The following APC2 variants were observed in gnomAD, a reference collection of about 807,000 sequenced individuals.
APC2 encodes APC regulator of Wnt signaling pathway 2.
APC2 carries 41 observed loss-of-function variants against 72.5 expected under a neutral mutation model. That is an observed-to-expected ratio of 0.57 (90% CI 0.44 to 0.73). The LOEUF (loss-of-function observed/expected upper bound fraction) is 0.73, where lower values mean the gene tolerates loss of function less well. Among genes scored for constraint, APC2 ranks in the 30% least tolerant of loss-of-function variants. The pLI, the probability that APC2 is intolerant of heterozygous loss-of-function variation, is 0.00. For missense variants in APC2, 3,729 were observed against 3,403.4 expected (o/e 1.10, Z -2.38); for synonymous variants, 1,898 against 1,612.0 (o/e 1.18, Z -4.25).
Position 1,467,054 on chromosome 19 carries a change from G to A in APC2, c.3753G>A (p.Arg1251=). ...TCGCCGACTGCCGGGAGCGCTGCCGGCTGCCATCTGAGCTGGACGCAGGCA... is the reference window on the plus strand; with the variant it reads ...TCGCCGACTGCCGGGAGCGCTGCCGACTGCCATCTGAGCTGGACGCAGGCA... The part of the protein sequence containing the change: ...LDIADCRERC[R]LPSELDAGSV... Residue 1251 remains arginine (R), a synonymous_variant, in exon 15 of 15, where the codon CGG becomes CGA. Coordinates refer to ENST00000590469, the MANE Select transcript of APC2 (RefSeq NM_005883.3). The A allele has an allele frequency of 1.2e-6, 2 of 1,611,828 alleles. No homozygotes were observed. Among genetic ancestry groups the A allele is most frequent in the Non-Finnish European group, 1.7e-6 (2 of 1,179,678 alleles).
At chr19:1,464,877 C>T (rs529726447) in intron 14 of APC2, among the ~76,000 whole-genome samples, 1 of 151,548 alleles carries the variant, frequency 6.6e-6, no homozygotes, top group South Asian at 2.1e-4. Flanking sequence ...AGGGGATCCA[C>T]CCCACTTGGC....
At chr19:1,460,509 C>T (rs372659860) in intron 11 of APC2, among the ~76,000 whole-genome samples, 189 bp downstream of exon 11, 3 of 152,256 alleles carry the variant, frequency 2.0e-5, no homozygotes, top group Admixed American at 1.3e-4. Context: ...TGAACCTCCC[C>T]ACCTGGCGGT....
intron 14 of APC2, among the ~76,000 whole-genome samples, chr19:1,463,909 TCA>T (rs1222344166): frequency 6.6e-6 from 1 of 152,210 alleles, no homozygotes; most frequent in Non-Finnish European, 1.5e-5. Flanking sequence ...GCGCGGTGGC[TCA>T]CGCCTGTAAT....
rs1291525373 is a variant in APC2 at position 1,454,594 on chromosome 19, C to A, written c.414-555C>A. Among the ~76,000 whole-genome samples, 3 of 134,142 alleles carry A rather than the reference C, an allele frequency of 2.2e-5. No homozygotes were observed. In the Admixed American group the frequency reaches 2.3e-4, roughly 10 times the overall value. 88.0% of individuals were successfully genotyped at this position (134,142 alleles called of 152,430 possible). On this transcript the variant is annotated intron_variant, in intron 4 of 14. Coordinates refer to ENST00000590469, the MANE Select transcript of APC2 (RefSeq NM_005883.3). The stretch of plus-strand genomic sequence containing the variant: ...TTTTTTTTTTTTTGAGACGGAGTCT[C>A]GCTCTGTCGCCCAAGCTGGAGTGCA...
chr19:1,469,895 C>T lies in APC2; in HGVS notation c.6594C>T (p.Ala2198=), dbSNP rs1198127765. The change falls in exon 15 of 15, where the codon GCC becomes GCT. Residue 2198 remains alanine, a synonymous_variant. Transcript: ENST00000590469. ...DAVVQTEEVA[A]PKTNSSTSPS... is the part of the protein sequence containing the mutation. ...TGGTCCAGACCGAGGAGGTCGCCGCCCCCAAGACCAACTCCAGCACGTCCC... is the reference window on the plus strand; with the variant it reads ...TGGTCCAGACCGAGGAGGTCGCCGCTCCCAAGACCAACTCCAGCACGTCCC... The T allele has an allele frequency of 1.3e-6, 2 of 1,524,020 alleles. No individual in the cohort carries two copies. Among genetic ancestry groups the T allele is most frequent in the Admixed American group, 2.0e-5 (1 of 49,688 alleles). The allele number at this position is 1,524,020 out of a possible 1,614,324, so 94.4% of individuals were successfully genotyped here. A position where few individuals can be genotyped will look rare whatever the true frequency, so the allele number is the denominator to read the frequency against.
chr19:1,466,351 C>A lies in APC2; in HGVS notation c.3050C>A (p.Ala1017Glu). The A allele has an allele frequency of 6.4e-7, 1 of 1,562,006 alleles. No homozygotes were observed. Among genetic ancestry groups the A allele is most frequent in the Non-Finnish European group, 8.6e-7 (1 of 1,157,052 alleles). ...GASRAGAEPL[A>E]GPGISPGARK... ...TCAAGGGCGGGTGCAGAGCCCCTCG[C>A]GGGGCCTGGAATCTCTCCAGGGGCC... The change falls in exon 15 of 15, where the codon GCG becomes GAG. Residue 1017 changes from alanine to glutamate, a missense_variant. Coordinates refer to ENST00000590469, the MANE Select transcript of APC2 (RefSeq NM_005883.3).
Position 1,467,552 on chromosome 19 carries a change from C to G in APC2, c.4251C>G (p.Asp1417Glu). Residue 1417 changes from aspartate to glutamate, a missense_variant, in exon 15 of 15, where the codon GAC becomes GAG. Coordinates refer to ENST00000590469, the MANE Select transcript of APC2 (RefSeq NM_005883.3). ...SDETLQGPPR[D>E]QPGGPAGRQR... is the part of the protein sequence containing the mutation. ...AGACGCTGCAGGGACCCCCCAGGGA[C>G]CAGCCCGGGGGACCAGCGGGCAGGC... 6.6e-7 allele frequency: 1 copy of G among 1,508,484 alleles called. No homozygotes were observed. The highest frequency in any genetic ancestry group is 8.8e-7 in the Non-Finnish European group (1 of 1,134,722). The allele number at this position is 1,508,484 out of a possible 1,614,324, so 93.4% of individuals were successfully genotyped here.
In APC2 at chr19:1,461,093, G is replaced by A. The variant is rs762408781; in HGVS notation, c.1578G>A (p.Lys526=). The change falls in exon 13 of 15, where the codon AAG becomes AAA. Residue 526 remains lysine (K), a synonymous_variant. Coordinates refer to ENST00000590469, the MANE Select transcript of APC2 (RefSeq NM_005883.3). ...GGAGGGCCGACATCAACAGCAAGAA[G>A]GTGCTGAGGGAGGCGGGCAGCGTGA... The part of the protein sequence containing the change: ...LSWRADINSK[K]VLREAGSVTA... 2 of 1,613,688 alleles carry A rather than the reference G, an allele frequency of 1.2e-6. No homozygotes were observed. Among genetic ancestry groups the A allele is most frequent in the African/African-American group, 2.7e-5 (2 of 75,068 alleles).
Position 1,465,672 on chromosome 19 carries a change from G to A in APC2, c.2371G>A (p.Ala791Thr), listed in dbSNP as rs759810870. The change falls in exon 15 of 15, where the codon GCG (alanine) becomes ACG (threonine). Residue 791 changes from alanine to threonine, a missense_variant. Ala to Thr is a moderately conservative substitution (Grantham distance 58). Coordinates refer to ENST00000590469, the MANE Select transcript of APC2 (RefSeq NM_005883.3). Reference protein sequence around the residue: ...DDAPSSLAAAAATGEPASPAA... With the variant: ...DDAPSSLAAATATGEPASPAA... ...TGCACCGTCATCCCTGGCTGCGGCC[G>A]CGGCCACCGGGGAGCCAGCCAGCCC... is the stretch of plus-strand genomic sequence containing the variant. The A allele has an allele frequency of 4.4e-5, 71 of 1,596,528 alleles. No individual in the cohort carries two copies. Among genetic ancestry groups the A allele is most frequent in the South Asian group, 9.0e-5 (8 of 88,992 alleles).
intron 1 of APC2, chr19:1,451,504 G>C (rs1488913319): frequency 1.3e-5 from 2 of 152,262 alleles, no homozygotes. Flanking sequence ...GCCAGCCTCT[G>C]CCACCTGACT....
intron 3 of APC2, 31 bp downstream of exon 3, chr19:1,453,368 G>T (rs371790688): frequency 1.7e-5 from 27 of 1,611,324 alleles, no homozygotes; most frequent in Admixed American, 3.3e-5. Flanking sequence ...CAGAGGGAGT[G>T]GGGGAGGCTG....
Position 1,466,243 on chromosome 19 carries a change from G to A in APC2, c.2942G>A (p.Arg981His), listed in dbSNP as rs1274566903. The change falls in exon 15 of 15, where the codon CGC becomes CAC. Residue 981 changes from arginine (R) to histidine (H), a missense_variant. Physicochemically the swap from Arg to His is conservative, Grantham distance 29. Transcript: ENST00000590469. Reference sequence around the variant, plus strand: ...GGCTGCCAGGCCGAGCCCCCGGCCCGCGAGGCCACCTCCGCCGACGCCCGC... The same window carrying A: ...GGCTGCCAGGCCGAGCCCCCGGCCCACGAGGCCACCTCCGCCGACGCCCGC... ...LPGCQAEPPA[R>H]EATSADARVR... 11 of 1,534,734 alleles carry A rather than the reference G, an allele frequency of 7.2e-6. No homozygotes were observed. The African/African-American group carries it at 1.1e-4, about 15-fold the overall frequency.
chr19:1,465,582 C>T lies in APC2; in HGVS notation c.2281C>T (p.Leu761=). 6.4e-7 allele frequency: 1 copy of T among 1,572,634 alleles called. No individual in the cohort carries two copies. Among genetic ancestry groups the T allele is most frequent in the Non-Finnish European group, 8.6e-7 (1 of 1,161,118 alleles). ...EAATKKPLPP[L]RHLDGLAQDY... ...CGCCACTAAGAAGCCGCTGCCGCCC[C>T]TGCGACACCTGGACGGCCTGGCCCA... The change falls in exon 15 of 15, where the codon CTG becomes TTG. Residue 761 remains leucine (L), a synonymous_variant. Transcript: ENST00000590469.
Position 1,460,232 on chromosome 19 carries a change from A to AG in APC2, c.1356dup (p.Met453AspfsTer51). The AG allele has an allele frequency of 6.2e-7, 1 of 1,613,562 alleles. No individual in the cohort carries two copies. Among genetic ancestry groups the AG allele is most frequent in the Non-Finnish European group, 8.5e-7 (1 of 1,180,010 alleles). ...CTGCAGGTTGACTATGAGATGCACA[A>AG]GATGACCCGGGACCCGCTGAACCTG... is the stretch of plus-strand genomic sequence containing the variant. On this transcript the variant is annotated frameshift_variant, in exon 11 of 15. Transcript: ENST00000590469. LOFTEE classifies it high-confidence loss of function.
rs895338077 is a variant in APC2, at chr19:1,466,268, C to T, written c.2967C>T (p.Arg989=). The T allele has an allele frequency of 5.2e-6, 8 of 1,530,320 alleles. No homozygotes were observed. The African/African-American group carries it at 6.9e-5, about 13-fold the overall frequency. 94.8% of individuals were successfully genotyped at this position (1,530,320 alleles called of 1,614,324 possible). ...PAREATSADA[R]VRTIKLSPTY... ...GCGAGGCCACCTCCGCCGACGCCCG[C>T]GTGCGCACCATCAAGCTGTCGCCTA... is the stretch of plus-strand genomic sequence containing the variant. The change falls in exon 15 of 15, where the codon CGC becomes CGT. Residue 989 remains arginine (R), a synonymous_variant. Coordinates refer to ENST00000590469, the MANE Select transcript of APC2 (RefSeq NM_005883.3).
At position 1,469,522 on chromosome 19, in the gene APC2, G is replaced by C; in HGVS notation, c.6221G>C (p.Arg2074Pro). ...ARPSPGERPA[R>P]RTTSESPSRL... ...CCCAGCCCTGGCGAGCGCCCTGCCCGGCGCACCACCTCCGAGAGCCCGTCC... is the reference window on the plus strand; with the variant it reads ...CCCAGCCCTGGCGAGCGCCCTGCCCCGCGCACCACCTCCGAGAGCCCGTCC... Residue 2074 changes from arginine to proline, a missense_variant, in exon 15 of 15, where the codon CGG becomes CCG. By Grantham distance (103) the Arg-to-Pro change is moderately radical. Coordinates refer to ENST00000590469, the MANE Select transcript of APC2 (RefSeq NM_005883.3). The C allele has an allele frequency of 8.6e-7, 1 of 1,162,850 alleles. No individual in the cohort carries two copies. The highest frequency in any genetic ancestry group is 3.9e-5 in the Admixed American group (1 of 25,338). 72.0% of individuals were successfully genotyped at this position (1,162,850 alleles called of 1,614,324 possible).
chr19:1,463,904 G>A (rs2083965338), intron 14 of APC2, among the ~76,000 whole-genome samples: 1 of 152,238 alleles, frequency 6.6e-6, no homozygotes, highest in Non-Finnish European at 1.5e-5. Flanking sequence ...GCTGGGCGCG[G>A]TGGCTCACGC....
At chr19:1,458,094 CCA>C in intron 10 of APC2, 34 bp downstream of exon 10, 1 of 1,537,216 alleles carries the variant, frequency 6.5e-7, no homozygotes, top group South Asian at 1.2e-5. Context: ...AAGCCATCCT[CCA>C]GCCCCCGAAC....
In APC2 at chr19:1,469,948, G is replaced by A. The variant is rs949788161; in HGVS notation, c.6647G>A (p.Gly2216Glu). The A allele has an allele frequency of 1.3e-6, 2 of 1,512,122 alleles. No homozygotes were observed. The highest frequency in any genetic ancestry group is 1.8e-6 in the Non-Finnish European group (2 of 1,137,004). 93.7% of individuals were successfully genotyped at this position (1,512,122 alleles called of 1,614,324 possible). A position where few individuals can be genotyped will look rare whatever the true frequency, so the allele number is the denominator to read the frequency against. The change falls in exon 15 of 15, where the codon GGG becomes GAG. Residue 2216 changes from glycine (G) to glutamate (E), a missense_variant. Transcript: ENST00000590469. ...SPSLETREPP[G>E]APAGGQLSLL... ...AGCCTGGAGACCAGGGAGCCCCCCG[G>A]GGCCCCCGCCGGCGGCCAGCTCTCC... is the stretch of plus-strand genomic sequence containing the variant.
Sources: allele counts gnomAD v4.1 joint callset (sites outside exome capture counted in the v4.1 genomes callset), GRCh38; gene constraint gnomAD v4.1.1; transcripts MANE v1.5; gene names NCBI Gene and HGNC (gene_info 2026-07-23, HGNC 2026-07-21).